GPHN: variants seen among roughly 807,000 people sequenced by gnomAD.
GPHN encodes the protein gephyrin.
In GPHN, 17 loss-of-function variants were observed where a neutral mutation model predicts 95.5. The observed-to-expected ratio is 0.18, with a 90% CI of 0.12 to 0.27. GPHN has a LOEUF of 0.27. Ranked by LOEUF, GPHN falls within the 10% of genes least tolerant of loss-of-function variation. The probability of loss-of-function intolerance (pLI) is 1.00; values close to 1 mark genes in which losing one functional copy is unlikely to be tolerated. For synonymous variants in GPHN, 320 were observed against 322.5 expected (o/e 0.99, Z 0.08); for missense variants, 660 against 978.1 (o/e 0.67, Z 4.34).
the GPHN span, among the ~76,000 whole-genome samples, chr14:67,530,735 T>C: frequency 5.3e-5 from 8 of 152,238 alleles, no homozygotes; most frequent in East Asian, 1.5e-3. Flanking sequence ...TTATTTGCCC[T>C]TGCATGAATG....
chr14:67,310,255 CTG>C, the GPHN span, among the ~76,000 whole-genome samples: 271 of 152,128 alleles, frequency 1.8e-3, 1 homozygote, highest in African/African-American at 5.8e-3. Context: ...TTAATAAAAA[CTG>C]TTTTTTCACA....
At chr14:67,676,346 G>A in the GPHN span, among the ~76,000 whole-genome samples, 1 of 152,196 alleles carries the variant, frequency 6.6e-6, no homozygotes. Context: ...ACATGACCAA[G>A]TCTGAGGATA....
At chr14:66,551,766 G>A (rs899508748) in intron 1 of GPHN, among the ~76,000 whole-genome samples, 1 of 152,298 alleles carries the variant, frequency 6.6e-6, no homozygotes, top group South Asian at 2.1e-4. Context: ...TACATGGCCA[G>A]AGCAGGAGGA....
At chr14:67,065,757 CTT>C (rs201638278) in intron 11 of GPHN, among the ~76,000 whole-genome samples, 64 of 128,402 alleles carry the variant, frequency 5.0e-4, no homozygotes, top group Non-Finnish European at 6.8e-4. Context: ...GCAACCCCTG[CTT>C]TTTTTTTTTT....
chr14:66,963,486 G>A (rs746946146), intron 8 of GPHN, among the ~76,000 whole-genome samples: 7 of 151,988 alleles, frequency 4.6e-5, no homozygotes, highest in African/African-American at 7.2e-5. Context: ...AGTATCACAC[G>A]TATAAATGTT....
chr14:66,589,375 A>G (rs1452876361), intron 1 of GPHN, among the ~76,000 whole-genome samples: 2 of 152,192 alleles, frequency 1.3e-5, no homozygotes, highest in Non-Finnish European at 2.9e-5. Flanking sequence ...TCAAATTCAC[A>G]CATAATATTT....
chr14:67,463,085 A>G, the GPHN span, among the ~76,000 whole-genome samples: 1 of 152,200 alleles, frequency 6.6e-6, no homozygotes, highest in Non-Finnish European at 1.5e-5. Flanking sequence ...CAGGGTGGTG[A>G]TCCTGAGTTG....
intron 11 of GPHN, among the ~76,000 whole-genome samples, chr14:67,075,801 T>C (rs117230604): frequency 0.012 from 1,832 of 152,286 alleles, 19 homozygotes; most frequent in Non-Finnish European, 0.018. Context: ...TGCTGCAATC[T>C]CATGATGAAA....
the GPHN span, among the ~76,000 whole-genome samples, chr14:67,254,830 T>A: frequency 2.0e-5 from 3 of 152,214 alleles, no homozygotes; most frequent in Non-Finnish European, 4.4e-5. Flanking sequence ...TTTTCTCTAG[T>A]AAGCTGTAAA....
intron 1 of GPHN, among the ~76,000 whole-genome samples, chr14:66,679,806 T>G (rs1413535803): frequency 6.6e-6 from 1 of 152,206 alleles, no homozygotes; most frequent in Non-Finnish European, 1.5e-5. Context: ...TTTTCATTCT[T>G]TGTTGAAGTT....
intron 18 of GPHN, among the ~76,000 whole-genome samples, chr14:67,152,226 A>G (rs1219156181): frequency 6.6e-6 from 1 of 152,190 alleles, no homozygotes; most frequent in East Asian, 1.9e-4. Context: ...TAGCATAAGA[A>G]TCTTACAATG....
At chr14:67,498,632 C>A in the GPHN span, among the ~76,000 whole-genome samples, 1 of 152,170 alleles carries the variant, frequency 6.6e-6, no homozygotes, top group South Asian at 2.1e-4. Context: ...TTCAAGTGAT[C>A]AGTCTCCCAG....
intron 4 of GPHN, among the ~76,000 whole-genome samples, chr14:66,841,396 T>C (rs2062082329): frequency 6.6e-6 from 1 of 152,152 alleles, no homozygotes; most frequent in Non-Finnish European, 1.5e-5. Context: ...AGTAGAGGCA[T>C]GGCATGAACT....
intron 4 of GPHN, among the ~76,000 whole-genome samples, chr14:66,844,396 A>G (rs1406875303): frequency 1.3e-5 from 2 of 152,008 alleles, no homozygotes; most frequent in Admixed American, 6.6e-5. Flanking sequence ...CAAGAACCAA[A>G]GAAGAATTTT....
chr14:66,519,825 C>T lies in GPHN; in HGVS notation c.64+11234C>T, dbSNP rs987492069. On this transcript the variant is annotated intron_variant, in intron 1 of 22. Coordinates refer to ENST00000478722, the MANE Select transcript of GPHN (RefSeq NM_020806.5). ...GTAAAATACTTTCTAGAGCCTGTTACAGAGCCTATTCATTTAATCCTCGTA... is the reference window on the plus strand; with the variant it reads ...GTAAAATACTTTCTAGAGCCTGTTATAGAGCCTATTCATTTAATCCTCGTA... 6.6e-5 allele frequency among the ~76,000 whole-genome samples: 10 copies of T among 152,134 alleles called. 1 individual carries two copies. Among genetic ancestry groups the T allele is most frequent in the African/African-American group, 7.2e-5 (3 of 41,448 alleles).
At chr14:67,486,215 G>T in the GPHN span, among the ~76,000 whole-genome samples, 1 of 152,216 alleles carries the variant, frequency 6.6e-6, no homozygotes, top group Non-Finnish European at 1.5e-5. Flanking sequence ...GAATCATGGG[G>T]CCAGGTCTTT....
intron 3 of GPHN, among the ~76,000 whole-genome samples, chr14:66,814,063 A>C (rs894103791): frequency 6.6e-6 from 1 of 152,064 alleles, no homozygotes; most frequent in African/African-American, 2.4e-5. Flanking sequence ...CTTTTGCTTT[A>C]CTTGCCCAGC....
At chr14:67,675,862 G>A in the GPHN span, among the ~76,000 whole-genome samples, 1 of 152,044 alleles carries the variant, frequency 6.6e-6, no homozygotes, top group African/African-American at 2.4e-5. Context: ...TTGGGAGGCC[G>A]AGGCGGGCGG....
intron 1 of GPHN, among the ~76,000 whole-genome samples, chr14:66,512,362 A>G (rs375895765): frequency 6.6e-6 from 1 of 151,900 alleles, no homozygotes; most frequent in Non-Finnish European, 1.5e-5. Context: ...GACTACATGT[A>G]TGTATAGAAT....
Sources: gnomAD v4.1 joint callset for allele counts (sites outside exome capture counted in the v4.1 genomes callset) on GRCh38, gnomAD v4.1.1 for gene constraint, MANE v1.5 for transcripts, NCBI Gene and HGNC (gene_info 2026-07-23, HGNC 2026-07-21) for gene names.